Variants in CCDC42 observed in about 807,000 individuals in gnomAD.
The protein encoded by CCDC42 is coiled-coil domain-containing protein 42.
In CCDC42, 38 loss-of-function variants were observed where a neutral mutation model predicts 40.8. The ratio of observed to expected loss-of-function variants is 0.93; its 90% CI spans 0.72 to 1.22. The LOEUF is 1.22. CCDC42 is among the 50% of genes most tolerant of loss of function. The pLI is 0.00. For missense variants in CCDC42, 379 were observed against 416.5 expected, an observed-to-expected ratio of 0.91 and a Z score of 0.78; for synonymous variants, 135 against 157.5, an observed-to-expected ratio of 0.86 and a Z score of 1.07.
At chr17:8,741,765 C>G in intron 3 of CCDC42, 94 bp from the exon 4 acceptor site, 3 of 1,220,644 alleles carry the variant, frequency 2.5e-6, no homozygotes, top group Non-Finnish European at 3.4e-6. Context: ...TCAGACCCCT[C>G]TGTCTGCACA....
At chr17:8,741,719 C>A in intron 3 of CCDC42, 48 bp from the exon 4 acceptor site, 1 of 1,577,918 alleles carries the variant, frequency 6.3e-7, no homozygotes, top group African/African-American at 1.4e-5. Flanking sequence ...GCCCAGCCCT[C>A]CCGGGGCCCA....
At chr17:8,731,886 T>G (rs9905108) in intron 6 of CCDC42, among the ~76,000 whole-genome samples, 12 of 151,790 alleles carry the variant, frequency 7.9e-5, no homozygotes, top group Non-Finnish European at 1.5e-4. Flanking sequence ...CCTGCTTGGC[T>G]GGACGCGGTA....
Position 8,735,545 on chromosome 17 carries a change from G to A in CCDC42, c.559C>T (p.Gln187Ter). The change falls in exon 5 of 7, where the codon CAG (glutamine) becomes TAG (stop). Residue 187 changes from glutamine (Q) to a stop codon, truncating the protein, a stop_gained. Transcript: ENST00000293845. LOFTEE classifies it high-confidence loss of function. The surrounding 1 kb of genome is among the most constrained non-coding windows in gnomAD (Gnocchi z 4.7). ...TTCTCCTGGCCTTCCTGCGCAGACTGCATGAGGTCGTGGCGCATGCTCACC... is the reference window on the plus strand; with the variant it reads ...TTCTCCTGGCCTTCCTGCGCAGACTACATGAGGTCGTGGCGCATGCTCACC... ...TLVSMRHDLMQSAQEGQEKIE... is the reference protein window; with the variant it reads ...TLVSMRHDLM 6.2e-7 allele frequency: 1 copy of A among 1,614,104 alleles called. No individual in the cohort carries two copies. Among genetic ancestry groups the A allele is most frequent in the Non-Finnish European group, 8.5e-7 (1 of 1,180,040 alleles).
rs74866427 is a variant in CCDC42 at position 8,741,606 on chromosome 17, C to A, written c.360G>T (p.Gln120His). 2.3e-3 allele frequency: 3,670 copies of A among 1,614,184 alleles called. 82 individuals are homozygous for A. In the African/African-American group the frequency reaches 0.044, roughly 19 times the overall value. Residue 120 changes from glutamine (Q) to histidine (H), a missense_variant, in exon 4 of 7, where the codon CAG becomes CAT. Physicochemically the swap from Gln to His is conservative, Grantham distance 24. Coordinates refer to ENST00000293845, the MANE Select transcript of CCDC42 (RefSeq NM_144681.3). ...TGCGCTTGGTCAGCTCCTGCATGTGCTGGCACTTGAGTTCTCGCTCCTTGT... is the reference window on the plus strand; with the variant it reads ...TGCGCTTGGTCAGCTCCTGCATGTGATGGCACTTGAGTTCTCGCTCCTTGT... ...KANKERELKC[Q>H]HMQELTKRKQ...
chr17:8,735,365 C>A lies in CCDC42; in HGVS notation c.714+25G>T. The A allele has an allele frequency of 1.2e-6, 2 of 1,612,794 alleles. No homozygotes were observed. The highest frequency in any genetic ancestry group is 1.7e-6 in the Non-Finnish European group (2 of 1,179,480). ...CCGCACTCACCCAGTGCCTGGGAGCCCCCGGCCCGCCCCGGGCCCCTCACC... is the reference window on the plus strand; with the variant it reads ...CCGCACTCACCCAGTGCCTGGGAGCACCCGGCCCGCCCCGGGCCCCTCACC... On this transcript the variant is annotated intron_variant, in intron 5 of 6. Coordinates refer to ENST00000293845, the MANE Select transcript of CCDC42 (RefSeq NM_144681.3). The surrounding 1 kb of genome is among the most constrained non-coding windows in gnomAD (Gnocchi z 4.7).
At chr17:8,744,027 A>C in intron 2 of CCDC42, 52 bp downstream of exon 2, 850 of 1,000,380 alleles carry the variant, frequency 8.5e-4, no homozygotes, top group Non-Finnish European at 1.2e-3. Flanking sequence ...CCAGAGCCCC[A>C]GCCCACCCCC....
At chr17:8,736,261 A>G (rs2086610946) in intron 4 of CCDC42, among the ~76,000 whole-genome samples, 1 of 152,210 alleles carries the variant, frequency 6.6e-6, no homozygotes, top group African/African-American at 2.4e-5. Flanking sequence ...ACTGGGGGAT[A>G]GGGCTGGAGG....
chr17:8,737,795 C>A (rs2086620619), intron 4 of CCDC42, among the ~76,000 whole-genome samples: 1 of 152,196 alleles, frequency 6.6e-6, no homozygotes. Flanking sequence ...TGGAACAAAC[C>A]AACTGTACAA....
intron 4 of CCDC42, among the ~76,000 whole-genome samples, chr17:8,737,626 C>T (rs888875532): frequency 2.0e-5 from 3 of 152,096 alleles, no homozygotes; most frequent in East Asian, 1.9e-4. Flanking sequence ...TGTCTTCCCC[C>T]GACCAGTGAG....
intron 4 of CCDC42, among the ~76,000 whole-genome samples, chr17:8,736,548 G>T (rs1461671324): frequency 6.6e-6 from 1 of 152,224 alleles, no homozygotes; most frequent in African/African-American, 2.4e-5. Context: ...ATGCCTTTCA[G>T]CCGCCCAGGG....
intron 6 of CCDC42, among the ~76,000 whole-genome samples, chr17:8,733,053 A>C (rs1481496261): frequency 1.3e-5 from 2 of 152,182 alleles, no homozygotes; most frequent in African/African-American, 4.8e-5. Context: ...AATTTCAGTG[A>C]GAACTAAGTG....
chr17:8,735,066 A>G lies in CCDC42; in HGVS notation c.873+30T>C. 2 of 1,612,336 alleles carry G rather than the reference A, an allele frequency of 1.2e-6. No individual in the cohort carries two copies. The highest frequency in any genetic ancestry group is 1.7e-6 in the Non-Finnish European group (2 of 1,178,840). On this transcript the variant is annotated intron_variant, in intron 6 of 6. Coordinates refer to ENST00000293845, the MANE Select transcript of CCDC42 (RefSeq NM_144681.3). The surrounding 1 kb of genome is among the most constrained non-coding windows in gnomAD (Gnocchi z 4.7). The stretch of plus-strand genomic sequence containing the variant: ...CAACCTCCTCGGCCCAGCCGACCCC[A>G]CGGGCCCAGTGCCTGTCCCCTCCTC...
intron 4 of CCDC42, among the ~76,000 whole-genome samples, chr17:8,736,959 GGAA>G (rs71889549): frequency 0.037 from 5,128 of 138,108 alleles, 235 homozygotes; most frequent in African/African-American, 0.12. Context: ...GAAGGAGGAA[GGAA>G]GAAGAAGAAG....
chr17:8,743,719 G>T lies in CCDC42; in HGVS notation c.201C>A (p.Arg67=), dbSNP rs772041284. ...AGCGCAGGTTCAGGGTTTCCATTCT[G>T]CGCTGAAACATCTTTGGGGTGGGGG... The part of the protein sequence containing the change: ...TMVQKKKMFQ[R]RMETLNLRWE... Residue 67 remains arginine (R), a synonymous_variant, in exon 3 of 7, where the codon CGC becomes CGA. Coordinates refer to ENST00000293845, the MANE Select transcript of CCDC42 (RefSeq NM_144681.3). The T allele has an allele frequency of 6.2e-7, 1 of 1,606,164 alleles. No individual in the cohort carries two copies. Among genetic ancestry groups the T allele is most frequent in the South Asian group, 1.1e-5 (1 of 90,892 alleles).
At chr17:8,743,797 C>T in intron 2 of CCDC42, 67 bp from the exon 3 acceptor site, 1 of 946,660 alleles carries the variant, frequency 1.1e-6, no homozygotes, top group South Asian at 1.3e-5. Context: ...AAGGAAGACC[C>T]CAGCATCCCT....
At chr17:8,739,254 A>T (rs1169236720) in intron 4 of CCDC42, among the ~76,000 whole-genome samples, 1 of 152,220 alleles carries the variant, frequency 6.6e-6, no homozygotes, top group Non-Finnish European at 1.5e-5. Flanking sequence ...AAGGCAGAAC[A>T]GACCAGATCT....
At chr17:8,739,798 C>T (rs981734206) in intron 4 of CCDC42, among the ~76,000 whole-genome samples, 1 of 152,216 alleles carries the variant, frequency 6.6e-6, no homozygotes, top group Non-Finnish European at 1.5e-5. Flanking sequence ...CTACCTCGGC[C>T]TCCCAAAGTG....
At chr17:8,744,302 G>A (rs1186603308) in intron 1 of CCDC42, 118 bp from the exon 2 acceptor site, 8 of 793,184 alleles carry the variant, frequency 1.0e-5, no homozygotes, top group Admixed American at 2.5e-5. Context: ...CTCCCTTTCC[G>A]AGGGAAAGGG....
chr17:8,732,251 A>C (rs1211202792), intron 6 of CCDC42, among the ~76,000 whole-genome samples: 1 of 144,732 alleles, frequency 6.9e-6, no homozygotes, highest in Non-Finnish European at 1.5e-5. Context: ...GTGAGCCGAG[A>C]TCACACCACT....
Sources: allele counts gnomAD v4.1 joint callset (sites outside exome capture counted in the v4.1 genomes callset), GRCh38; gene constraint gnomAD v4.1.1; non-coding constraint Gnocchi (gnomAD v3.1); transcripts MANE v1.5; gene names NCBI Gene and HGNC (gene_info 2026-07-23, HGNC 2026-07-21).